KDM4C: variants seen among roughly 807,000 people sequenced by gnomAD.
KDM4C encodes lysine-specific demethylase 4C.
Under a neutral mutation model 129.3 loss-of-function variants are expected in KDM4C, and 81 were observed. That is an observed-to-expected ratio of 0.63 (90% confidence interval 0.52 to 0.75). KDM4C has a LOEUF of 0.75. Among genes scored for constraint, KDM4C ranks in the 30% least tolerant of loss-of-function variants. The pLI, the probability that KDM4C is intolerant of heterozygous loss-of-function variation, is 0.00. For synonymous variants in KDM4C, 573 were observed against 456.1 expected (o/e 1.26, Z -3.26); for missense variants, 1,457 against 1,304.0 (o/e 1.12, Z -1.81).
chr9:7,109,465 C>T (rs1252259930), intron 18 of KDM4C, among the ~76,000 whole-genome samples: 1 of 152,202 alleles, frequency 6.6e-6, no homozygotes, highest in East Asian at 1.9e-4. Context: ...TTATACATTT[C>T]AATCCAATTC....
intron 1 of KDM4C, among the ~76,000 whole-genome samples, chr9:6,745,578 CAAAAAA>C (rs57251333): frequency 9.3e-6 from 1 of 106,982 alleles, no homozygotes. Flanking sequence ...GTCCTGTCTC[CAAAAAA>C]AAAAAAAAAA....
At chr9:7,066,385 C>A (rs1047002056) in intron 17 of KDM4C, among the ~76,000 whole-genome samples, 5 of 152,124 alleles carry the variant, frequency 3.3e-5, no homozygotes, top group Non-Finnish European at 7.4e-5. Flanking sequence ...TTGGAAGGCA[C>A]AAGAGAAGGG....
At chr9:7,140,696 ACTACATGCCACC>A (rs1311892277) in intron 19 of KDM4C, among the ~76,000 whole-genome samples, 2 of 152,210 alleles carry the variant, frequency 1.3e-5, no homozygotes, top group Non-Finnish European at 2.9e-5. Context: ...GTGAGCACCT[ACTACATGCCACC>A]CATCATGCTG....
chr9:7,052,909 G>GAGAGAGAGAGAGAGAGAGAGA (rs767668455), intron 17 of KDM4C, among the ~76,000 whole-genome samples: 1 of 100,180 alleles, frequency 1.0e-5, no homozygotes, highest in African/African-American at 4.9e-5. Context: ...GAGCGAGCGA[G>GAGAGAGAGAGAGAGAGAGAGA]TGCCCAAGGG....
intron 5 of KDM4C, among the ~76,000 whole-genome samples, chr9:6,862,106 A>G (rs1563714289): frequency 6.6e-6 from 1 of 152,274 alleles, no homozygotes; most frequent in Non-Finnish European, 1.5e-5. Context: ...ATAGCAGTCA[A>G]TTGTATGATC....
intron 4 of KDM4C, 97 bp from the exon 5 acceptor site, chr9:6,849,410 G>T: frequency 3.1e-6 from 3 of 969,864 alleles, no homozygotes; most frequent in Non-Finnish European, 4.5e-6. Context: ...AATATACAAT[G>T]TAATAATTTT....
rs112685176 is a variant in KDM4C at position 6,965,879 on chromosome 9, C to T, written c.922-15046C>T. ...AAACACTCAGAATAATATCTTACTA[C>T]ATTTCTGGGTACCTCATGTTCCAGT... On this transcript the variant is annotated intron_variant, in intron 8 of 21. Coordinates refer to ENST00000381309, the MANE Select transcript of KDM4C (RefSeq NM_015061.6). Among the ~76,000 whole-genome samples the T allele has an allele frequency of 3.3e-3, 500 of 152,328 alleles. 2 individuals are homozygous for T. Among genetic ancestry groups the T allele is most frequent in the African/African-American group, 0.011 (465 of 41,570 alleles).
In KDM4C at chr9:6,835,078, C is replaced by T. The variant is rs1048712201; in HGVS notation, c.436-14429C>T. ...CACCACGGCTGAGTGGGATATCGTG[C>T]GTGACATCAAGGAGAAGCTGTGCTA... On this transcript the variant is annotated intron_variant, in intron 4 of 21. Coordinates refer to ENST00000381309, the MANE Select transcript of KDM4C (RefSeq NM_015061.6). 2.4e-5 allele frequency: 24 copies of T among 988,432 alleles called. 1 individual carries two copies. Among genetic ancestry groups the T allele is most frequent in the South Asian group, 1.5e-4 (12 of 78,650 alleles). 61.2% of individuals were successfully genotyped at this position (988,432 alleles called of 1,614,324 possible). A position where few individuals can be genotyped will look rare whatever the true frequency, so the allele number is the denominator to read the frequency against.
chr9:6,764,553 A>AT (rs1039575306), intron 1 of KDM4C, among the ~76,000 whole-genome samples: 3 of 152,208 alleles, frequency 2.0e-5, no homozygotes, highest in East Asian at 3.8e-4. Context: ...AATAGACTGG[A>AT]TTCCCTATGA....
chr9:6,855,298 A>C (rs1839600958), intron 5 of KDM4C, among the ~76,000 whole-genome samples: 2 of 151,918 alleles, frequency 1.3e-5, no homozygotes, highest in African/African-American at 2.4e-5. Context: ...ATCTGTACTA[A>C]AAATACAAAA....
rs759400147 is a variant in KDM4C, at chr9:7,013,941, G to A, written c.2122G>A (p.Glu708Lys). 9.3e-6 allele frequency: 15 copies of A among 1,613,910 alleles called. No homozygotes were observed. The highest frequency in any genetic ancestry group is 1.1e-5 in the Non-Finnish European group (13 of 1,179,888). ...ATATTCTCCACCCAATGCCTTCCTT[G>A]AAGAGGATGGAACAAGTCTCCTTAT... ...IEYSPPNAFL[E>K]EDGTSLLISC... Residue 708 changes from glutamate (E) to lysine (K), a missense_variant, in exon 14 of 22, where the codon GAA (glutamate) becomes AAA (lysine). Transcript: ENST00000381309.
chr9:7,060,511 C>G (rs909447657), intron 17 of KDM4C, among the ~76,000 whole-genome samples: 1 of 148,996 alleles, frequency 6.7e-6, no homozygotes, highest in Non-Finnish European at 1.5e-5. Flanking sequence ...GAGATGGAGT[C>G]TTGGTCTGTC....
chr9:7,030,031 C>A (rs961342647), intron 15 of KDM4C, among the ~76,000 whole-genome samples: 3 of 151,954 alleles, frequency 2.0e-5, no homozygotes, highest in Non-Finnish European at 4.4e-5. Context: ...TACCTATAAT[C>A]TAGATATTAA....
chr9:6,852,616 TG>T (rs1839064306), intron 5 of KDM4C, among the ~76,000 whole-genome samples: 1 of 152,234 alleles, frequency 6.6e-6, no homozygotes, highest in Admixed American at 6.5e-5. Context: ...CAGTATGGGA[TG>T]GTTGCCTTTA....
intron 5 of KDM4C, among the ~76,000 whole-genome samples, chr9:6,856,790 G>A (rs1233054440): frequency 1.5e-5 from 2 of 133,022 alleles, no homozygotes; most frequent in Non-Finnish European, 1.5e-5. Flanking sequence ...TCGCTCTGTC[G>A]CCCAGGCCGG....
intron 17 of KDM4C, among the ~76,000 whole-genome samples, chr9:7,074,732 G>A (rs72703373): frequency 1.5e-3 from 232 of 152,248 alleles, no homozygotes; most frequent in Non-Finnish European, 2.8e-3. Context: ...TAAAGGACTA[G>A]ATCATTGAAT....
intron 11 of KDM4C, 150 bp downstream of exon 11, chr9:6,986,816 G>A: frequency 1.7e-6 from 1 of 589,804 alleles, no homozygotes; most frequent in Non-Finnish European, 2.9e-6. Flanking sequence ...TCAATAACTG[G>A]GAGGTAAGCC....
chr9:6,863,893 C>A (rs558547844), intron 5 of KDM4C, among the ~76,000 whole-genome samples: 1 of 151,860 alleles, frequency 6.6e-6, no homozygotes, highest in Admixed American at 6.6e-5. Context: ...TCACCCATTA[C>A]CGTGAAGATG....
chr9:6,884,210 A>G lies in KDM4C; in HGVS notation c.680-3750A>G, dbSNP rs1050342107. On this transcript the variant is annotated intron_variant, in intron 6 of 21. Coordinates refer to ENST00000381309, the MANE Select transcript of KDM4C (RefSeq NM_015061.6). Reference sequence around the variant, plus strand: ...GAGGCCTGCGAAAGGATAATTTTCTATCCATTCCTGAGTAACCACTCCGTG... The same window carrying G: ...GAGGCCTGCGAAAGGATAATTTTCTGTCCATTCCTGAGTAACCACTCCGTG... 2.0e-5 allele frequency among the ~76,000 whole-genome samples: 3 copies of G among 152,144 alleles called. No homozygotes were observed. In the East Asian group the frequency reaches 5.8e-4, roughly 29 times the overall value.
Sources: allele counts gnomAD v4.1 joint callset (sites outside exome capture counted in the v4.1 genomes callset), GRCh38; gene constraint gnomAD v4.1.1; transcripts MANE v1.5; gene names NCBI Gene and HGNC (gene_info 2026-07-23, HGNC 2026-07-21).